Variants in CADM2 observed in about 807,000 individuals in gnomAD.
CADM2 encodes the protein immunoglobulin superfamily member 4D.
A neutral mutation model predicts 49.8 loss-of-function variants in CADM2; 12 were observed. That is an observed-to-expected ratio of 0.24 (90% CI 0.15 to 0.39). CADM2 has a LOEUF of 0.39. Ranked by LOEUF, CADM2 falls within the 10% of genes least tolerant of loss-of-function variation. CADM2 has a pLI of 1.00. For missense variants in CADM2, 378 were observed against 492.3 expected, an observed-to-expected ratio of 0.77 and a Z score of 2.20; for synonymous variants, 214 against 175.4, an observed-to-expected ratio of 1.22 and a Z score of -1.74.
intron 1 of CADM2, among the ~76,000 whole-genome samples, chr3:85,261,134 C>CTATT (rs1481072067): frequency 1.4e-4 from 21 of 151,084 alleles, no homozygotes; most frequent in Admixed American, 7.3e-4. Flanking sequence ...TTCTTTCTTT[C>CTATT]TATTTATTTA....
chr3:85,693,611 G>A (rs1281193025), intron 1 of CADM2, among the ~76,000 whole-genome samples: 2 of 148,628 alleles, frequency 1.3e-5, no homozygotes, highest in Non-Finnish European at 3.0e-5. Flanking sequence ...AAGGAGGCTG[G>A]GCACAGTGGC....
intron 2 of CADM2, among the ~76,000 whole-genome samples, chr3:85,771,847 C>G (rs2070105448): frequency 6.6e-6 from 1 of 151,970 alleles, no homozygotes; most frequent in African/African-American, 2.4e-5. Context: ...TTTGCTCTTT[C>G]CCAAAAGTGT....
intron 1 of CADM2, among the ~76,000 whole-genome samples, chr3:85,636,538 A>T (rs747902591): frequency 6.6e-6 from 1 of 152,124 alleles, no homozygotes; most frequent in Non-Finnish European, 1.5e-5. Context: ...TTTAAAAAAT[A>T]AAATTAGTGT....
intron 1 of CADM2, among the ~76,000 whole-genome samples, chr3:85,716,083 T>G (rs918606025): frequency 3.9e-5 from 6 of 152,216 alleles, no homozygotes; most frequent in African/African-American, 7.2e-5. Flanking sequence ...ATTGCCACAC[T>G]GTCTTCCACA....
intron 1 of CADM2, among the ~76,000 whole-genome samples, chr3:85,612,003 C>G (rs565013959): frequency 6.6e-5 from 10 of 151,554 alleles, no homozygotes; most frequent in African/African-American, 2.4e-4. Flanking sequence ...ATAACCAGGA[C>G]AGAAAGGGAA....
At chr3:85,664,485 C>A (rs1214104378) in intron 1 of CADM2, among the ~76,000 whole-genome samples, 1 of 151,978 alleles carries the variant, frequency 6.6e-6, no homozygotes, top group Non-Finnish European at 1.5e-5. Context: ...CACCCTACAT[C>A]AGATGCATCA....
chr3:85,458,645 T>C (rs565622382), intron 1 of CADM2, among the ~76,000 whole-genome samples: 1 of 152,116 alleles, frequency 6.6e-6, no homozygotes, highest in South Asian at 2.1e-4. Context: ...GAAAAGTATG[T>C]TTCCCATAAT....
intron 1 of CADM2, among the ~76,000 whole-genome samples, chr3:85,370,279 G>C (rs542250949): frequency 1.1e-3 from 163 of 148,966 alleles, no homozygotes; most frequent in African/African-American, 4.0e-3. Context: ...AAATAACTTG[G>C]TGTGGTGGCG....
At chr3:85,457,327 C>T (rs746319053) in intron 1 of CADM2, among the ~76,000 whole-genome samples, 8 of 151,776 alleles carry the variant, frequency 5.3e-5, no homozygotes, top group South Asian at 2.1e-4. Context: ...GCAGGAAGGT[C>T]GCTTGAGCCT....
chr3:85,069,651 G>C (rs1381551969), intron 1 of CADM2, among the ~76,000 whole-genome samples: 2 of 151,988 alleles, frequency 1.3e-5, no homozygotes, highest in Non-Finnish European at 2.9e-5. Flanking sequence ...TTTGTAATTT[G>C]CCATGCATTA....
chr3:85,232,012 G>A (rs2042302967), intron 1 of CADM2, among the ~76,000 whole-genome samples: 1 of 151,758 alleles, frequency 6.6e-6, no homozygotes, highest in African/African-American at 2.4e-5. Flanking sequence ...ATTGGGCCTG[G>A]CCTCAAGTTT....
chr3:85,142,547 G>A (rs1408953497), intron 1 of CADM2, among the ~76,000 whole-genome samples: 3 of 152,022 alleles, frequency 2.0e-5, no homozygotes, highest in South Asian at 2.1e-4. Context: ...TAATTGCAAC[G>A]GATATTTTTG....
intron 8 of CADM2, chr3:85,993,861 A>G (rs1056402391): frequency 6.6e-6 from 1 of 152,070 alleles, no homozygotes; most frequent in Non-Finnish European, 1.5e-5. Flanking sequence ...AAAACATGCT[A>G]TAAATAGATG....
Position 85,086,363 on chromosome 3 carries a change from C to T in CADM2, c.61+126695C>T, listed in dbSNP as rs186399690. 2.8e-3 allele frequency among the ~76,000 whole-genome samples: 421 copies of T among 152,026 alleles called. 3 individuals carry two copies. The highest frequency in any genetic ancestry group is 3.0e-3 in the Non-Finnish European group (206 of 67,980). On this transcript the variant is annotated intron_variant, in intron 1 of 9. Coordinates refer to ENST00000383699, the MANE Select transcript of CADM2 (RefSeq NM_001167675.2). Reference sequence around the variant, plus strand: ...TGCTCATAGAATGGATTCCATGCCTCTCCCTGTCTCCCACTTCAGTCTTTC... The same window carrying T: ...TGCTCATAGAATGGATTCCATGCCTTTCCCTGTCTCCCACTTCAGTCTTTC...
chr3:85,433,445 G>A (rs7609594), intron 1 of CADM2, among the ~76,000 whole-genome samples: 85,907 of 151,782 alleles, frequency 0.57, 25,298 homozygotes, highest in East Asian at 0.83. Flanking sequence ...GAACTCAGTT[G>A]GGAAAATCAT....
intron 1 of CADM2, among the ~76,000 whole-genome samples, chr3:85,123,642 C>A: frequency 6.6e-6 from 1 of 151,986 alleles, no homozygotes; most frequent in South Asian, 2.1e-4. Flanking sequence ...AGATTTTCAG[C>A]AGTTTATTGA....
intron 2 of CADM2, among the ~76,000 whole-genome samples, chr3:85,785,919 C>T (rs2070957517): frequency 6.6e-6 from 1 of 152,052 alleles, no homozygotes; most frequent in Non-Finnish European, 1.5e-5. Flanking sequence ...TTCCTCAGTT[C>T]TCATTTATTT....
chr3:85,789,439 A>G (rs2071197094), intron 2 of CADM2, among the ~76,000 whole-genome samples: 1 of 152,208 alleles, frequency 6.6e-6, no homozygotes. Flanking sequence ...CTGTTTTAAA[A>G]TCACAGAAAT....
At chr3:85,034,373 T>G (rs1050484897) in intron 1 of CADM2, among the ~76,000 whole-genome samples, 3 of 152,198 alleles carry the variant, frequency 2.0e-5, no homozygotes, top group African/African-American at 7.2e-5. Flanking sequence ...GCCTGGCTTA[T>G]TTCCCTTAAC....
Sources: allele counts gnomAD v4.1 joint callset (sites outside exome capture counted in the v4.1 genomes callset), GRCh38; gene constraint gnomAD v4.1.1; transcripts MANE v1.5; gene names NCBI Gene and HGNC (gene_info 2026-07-23, HGNC 2026-07-21).